RNF180: variants seen among roughly 807,000 people sequenced by gnomAD.
RNF180 encodes ring finger protein 180, also known as E3 ubiquitin-protein ligase RNF180.
In RNF180, 38 loss-of-function variants were observed where a neutral mutation model predicts 59.2. The observed-to-expected ratio is 0.64, with a 90% confidence interval of 0.50 to 0.84. The LOEUF (loss-of-function observed/expected upper bound fraction) is 0.84, where lower values mean the gene tolerates loss of function less well. RNF180 is among the 40% of genes least tolerant of loss of function. The pLI, the probability that RNF180 is intolerant of heterozygous loss-of-function variation, is 0.00. For synonymous variants in RNF180, 262 were observed against 240.3 expected (o/e 1.09, Z -0.84); for missense variants, 705 against 700.9 (o/e 1.01, Z -0.07).
chr5:64,199,647 G>T (rs1018454604), intron 1 of RNF180, among the ~76,000 whole-genome samples: 1 of 152,256 alleles, frequency 6.6e-6, no homozygotes, highest in African/African-American at 2.4e-5. Context: ...CTTTCAATAA[G>T]TGTTGGACGA....
rs146567298 is a variant in RNF180 at position 64,352,460 on chromosome 5, C to T, written c.1580-17155C>T. Reference sequence around the variant, plus strand: ...TTTCTGCTAGCTTTTGATATGTTTGCCCTTGCTTCTCTATTTCTTTTAATT... The same window carrying T: ...TTTCTGCTAGCTTTTGATATGTTTGTCCTTGCTTCTCTATTTCTTTTAATT... On this transcript the variant is annotated intron_variant, in intron 7 of 7. Coordinates refer to ENST00000389100, the MANE Select transcript of RNF180 (RefSeq NM_001113561.2). Among the ~76,000 whole-genome samples, 160 of 151,926 alleles carry T rather than the reference C, an allele frequency of 1.1e-3. 1 individual carries two copies. The highest frequency in any genetic ancestry group is 3.7e-3 in the African/African-American group (154 of 41,486).
chr5:64,228,011 C>T (rs1441330752), intron 5 of RNF180, among the ~76,000 whole-genome samples: 5 of 152,130 alleles, frequency 3.3e-5, no homozygotes, highest in Non-Finnish European at 4.4e-5. Flanking sequence ...ACTCCTCTCA[C>T]GTGTGGAGAC....
At chr5:64,320,048 C>A (rs530314863) in intron 5 of RNF180, among the ~76,000 whole-genome samples, 2 of 152,302 alleles carry the variant, frequency 1.3e-5, no homozygotes, top group East Asian at 1.9e-4. Flanking sequence ...ATTAAAAATG[C>A]AAATTCTCAG....
intron 7 of RNF180, among the ~76,000 whole-genome samples, chr5:64,350,045 GT>G (rs1203168024): frequency 6.6e-6 from 1 of 152,144 alleles, no homozygotes; most frequent in Admixed American, 6.5e-5. Context: ...GTGTAAAAGT[GT>G]TCCTATTTCT....
intron 5 of RNF180, among the ~76,000 whole-genome samples, chr5:64,324,753 A>G (rs990471862): frequency 1.3e-5 from 2 of 152,212 alleles, no homozygotes; most frequent in Non-Finnish European, 2.9e-5. Context: ...CAGTATGAGA[A>G]TGAAGTATGA....
At chr5:64,207,202 T>A (rs1459778688) in intron 2 of RNF180, among the ~76,000 whole-genome samples, 1 of 152,118 alleles carries the variant, frequency 6.6e-6, no homozygotes, top group East Asian at 1.9e-4. Flanking sequence ...TATTAAATAT[T>A]GATTACTCAT....
intron 1 of RNF180, among the ~76,000 whole-genome samples, chr5:64,186,040 T>C (rs1331304682): frequency 6.6e-6 from 1 of 152,228 alleles, no homozygotes; most frequent in Non-Finnish European, 1.5e-5. Flanking sequence ...TTTTATCTGC[T>C]AGGAAATACC....
intron 5 of RNF180, among the ~76,000 whole-genome samples, chr5:64,320,680 T>C (rs1380747780): frequency 6.6e-6 from 1 of 152,090 alleles, no homozygotes; most frequent in African/African-American, 2.4e-5. Context: ...ATATCAATAA[T>C]GTAAAAGAAG....
At chr5:64,227,449 C>G (rs1741837001) in intron 5 of RNF180, among the ~76,000 whole-genome samples, 2 of 152,324 alleles carry the variant, frequency 1.3e-5, no homozygotes, top group African/African-American at 4.8e-5. Context: ...CAAGAGGCAC[C>G]TGGAGCCCCG....
At chr5:64,346,939 T>C (rs1429073470) in intron 7 of RNF180, among the ~76,000 whole-genome samples, 1 of 152,200 alleles carries the variant, frequency 6.6e-6, no homozygotes, top group East Asian at 1.9e-4. Flanking sequence ...CTGACTTGTT[T>C]ATTTTCTGCA....
At chr5:64,230,619 T>C (rs754055658) in intron 5 of RNF180, among the ~76,000 whole-genome samples, 1 of 152,238 alleles carries the variant, frequency 6.6e-6, no homozygotes, top group Non-Finnish European at 1.5e-5. Context: ...TTAGCAGCCT[T>C]AATTCCATTT....
At position 64,325,219 on chromosome 5, in the gene RNF180, A is replaced by C. The variant is rs1744573751; in HGVS notation, c.1261A>C (p.Asn421His). 1.3e-6 allele frequency: 2 copies of C among 1,551,350 alleles called. No homozygotes were observed. Among genetic ancestry groups the C allele is most frequent in the African/African-American group, 2.7e-5 (2 of 73,044 alleles). The change falls in exon 6 of 8, where the codon AAT becomes CAT. Residue 421 changes from asparagine to histidine, a missense_variant. Asn to His is a moderately conservative substitution (Grantham distance 68). Transcript: ENST00000389100. ...TAATGAGATGAGTACAGATGAAGAC[A>C]ATGAATATGCAGAAGAAAAGGATAG... ...LNNEMSTDEDNEYAEEKDSYI... is the reference protein window; with the variant it reads ...LNNEMSTDEDHEYAEEKDSYI...
Position 64,214,432 on chromosome 5 carries a change from A to G in RNF180, c.1106A>G (p.Asn369Ser). Residue 369 changes from asparagine (N) to serine (S), a missense_variant, in exon 4 of 8, where the codon AAT (asparagine) becomes AGT (serine). Transcript: ENST00000389100. ...HSANFSLGSI[N>S]QRLNKRERSK... is the part of the protein sequence containing the mutation. ...GCCAATTTTTCATTGGGCAGCATTA[A>G]TCAGAGGCTTAATAAGAGAGAAAGG... is the stretch of plus-strand genomic sequence containing the variant. The G allele has an allele frequency of 6.2e-7, 1 of 1,614,062 alleles. No homozygotes were observed.
chr5:64,336,251 A>C (rs1275607162), intron 7 of RNF180, among the ~76,000 whole-genome samples: 1 of 152,128 alleles, frequency 6.6e-6, no homozygotes, highest in African/African-American at 2.4e-5. Context: ...TTAATTTGTG[A>C]AAATGGTCTT....
intron 5 of RNF180, among the ~76,000 whole-genome samples, chr5:64,313,268 T>C (rs1054560894): frequency 1.3e-5 from 2 of 152,082 alleles, no homozygotes; most frequent in African/African-American, 4.8e-5. Flanking sequence ...ATAATGAGCA[T>C]GGCACCCAAT....
At chr5:64,240,353 C>A (rs141741184) in intron 5 of RNF180, among the ~76,000 whole-genome samples, 45 of 152,268 alleles carry the variant, frequency 3.0e-4, no homozygotes, top group African/African-American at 1.1e-3. Flanking sequence ...ATTTTTCACA[C>A]AACTATATGA....
intron 5 of RNF180, among the ~76,000 whole-genome samples, chr5:64,283,191 G>T (rs538656117): frequency 2.0e-5 from 3 of 152,180 alleles, no homozygotes; most frequent in Non-Finnish European, 4.4e-5. Flanking sequence ...AGTATTGGGT[G>T]CATGTGTATT....
At chr5:64,369,508 G>A (rs28615727) in intron 7 of RNF180, 107 bp from the exon 8 acceptor site, 232,879 of 590,616 alleles carry the variant, frequency 0.39, 49,067 homozygotes, top group African/African-American at 0.65. Context: ...ACATAACTCC[G>A]CTCAGTGAAA....
intron 7 of RNF180, among the ~76,000 whole-genome samples, chr5:64,353,833 C>A (rs1745913212): frequency 6.6e-6 from 1 of 151,616 alleles, no homozygotes; most frequent in African/African-American, 2.4e-5. Context: ...GAAAAATTCA[C>A]TAATACGTGG....
Sources: gnomAD v4.1 joint callset for allele counts (sites outside exome capture counted in the v4.1 genomes callset) on GRCh38, gnomAD v4.1.1 for gene constraint, MANE v1.5 for transcripts, NCBI Gene and HGNC (gene_info 2026-07-23, HGNC 2026-07-21) for gene names.